Variants in VCAN observed in about 807,000 individuals in gnomAD.
VCAN encodes versican.
In VCAN, 44 loss-of-function variants were observed where a neutral mutation model predicts 245.5. The observed-to-expected ratio is 0.18, with a 90% CI of 0.14 to 0.23. The LOEUF is 0.23. Among genes scored for constraint, VCAN ranks in the 10% least tolerant of loss-of-function variants. The pLI, the probability that VCAN is intolerant of heterozygous loss-of-function variation, is 1.00. For missense variants in VCAN, 3,793 were observed against 4,057.9 expected (o/e 0.93, Z 1.77); for synonymous variants, 1,413 against 1,437.0 (o/e 0.98, Z 0.38).
At chr5:83,522,368 A>T in intron 7 of VCAN, 59 bp downstream of exon 7, 1 of 1,579,330 alleles carries the variant, frequency 6.3e-7, no homozygotes, top group Non-Finnish European at 8.6e-7. Flanking sequence ...CTTGAAAGTT[A>T]CTTTTGGGGA....
chr5:83,483,847 AG>A (rs1475820089), intron 2 of VCAN, among the ~76,000 whole-genome samples: 1 of 152,206 alleles, frequency 6.6e-6, no homozygotes, highest in African/African-American at 2.4e-5. Context: ...TTTGCAAAAA[AG>A]CTCATATATG....
At chr5:83,508,756 C>A (rs897264713) in intron 5 of VCAN, among the ~76,000 whole-genome samples, 8 of 152,222 alleles carry the variant, frequency 5.3e-5, no homozygotes, top group African/African-American at 1.4e-4. Flanking sequence ...TTAAATCTTC[C>A]TTTTTTTCAT....
In VCAN at chr5:83,559,855, C is replaced by T. The variant is rs1747801257; in HGVS notation, c.9735+4817C>T. On this transcript the variant is annotated intron_variant, in intron 12 of 14. Transcript: ENST00000265077. Reference sequence around the variant, plus strand: ...CAGTATACACACATTGCTCAGCCAACTCTATCTTTTGAATCCTGAAATGAA... The same window carrying T: ...CAGTATACACACATTGCTCAGCCAATTCTATCTTTTGAATCCTGAAATGAA... Among the ~76,000 whole-genome samples, 3 of 152,106 alleles carry T rather than the reference C, an allele frequency of 2.0e-5. 1 individual carries two copies. In the South Asian group the frequency reaches 6.2e-4, roughly 32 times the overall value.
chr5:83,545,960 G>A (rs887157498), intron 9 of VCAN, among the ~76,000 whole-genome samples: 3 of 152,038 alleles, frequency 2.0e-5, no homozygotes, highest in Admixed American at 6.6e-5. Context: ...CCCCAAATCT[G>A]CATATAAATA....
At chr5:83,511,234 C>A (rs1001034508) in intron 5 of VCAN, among the ~76,000 whole-genome samples, 1 of 148,672 alleles carries the variant, frequency 6.7e-6, no homozygotes, top group East Asian at 2.1e-4. Flanking sequence ...CTCTGCCTCC[C>A]GGGTTCAAGC....
chr5:83,504,807 A>AT (rs1239909456), intron 5 of VCAN, among the ~76,000 whole-genome samples: 1 of 152,308 alleles, frequency 6.6e-6, no homozygotes, highest in Non-Finnish European at 1.5e-5. Flanking sequence ...CATGCTGCTG[A>AT]TAAAGACATA....
chr5:83,538,312 G>A lies in VCAN; in HGVS notation c.5309G>A (p.Arg1770Lys). 1 of 1,614,036 alleles carries A rather than the reference G, an allele frequency of 6.2e-7. No individual in the cohort carries two copies. The highest frequency in any genetic ancestry group is 8.5e-7 in the Non-Finnish European group (1 of 1,179,946). Residue 1770 changes from arginine to lysine, a missense_variant, in exon 8 of 15, where the codon AGG becomes AAG. This residue lies in a region of VCAN where 3,182 missense variants were observed against 3,250.3 expected (regional missense o/e 0.98). Coordinates refer to ENST00000265077, the MANE Select transcript of VCAN (RefSeq NM_004385.5). ...GCTACATCTAGTGATTCAGGTACCAGGAAAAGTTTTATGTCCTTGACAACA... is the reference window on the plus strand; with the variant it reads ...GCTACATCTAGTGATTCAGGTACCAAGAAAAGTTTTATGTCCTTGACAACA... ...NVATSSDSGT[R>K]KSFMSLTTPT...
intron 7 of VCAN, among the ~76,000 whole-genome samples, chr5:83,530,246 A>C (rs188797931): frequency 6.6e-6 from 1 of 152,088 alleles, no homozygotes; most frequent in Non-Finnish European, 1.5e-5. Context: ...CATAAACATC[A>C]TTTTACAAAT....
At chr5:83,554,513 G>GA (rs532730880) in intron 11 of VCAN, among the ~76,000 whole-genome samples, 1 of 151,772 alleles carries the variant, frequency 6.6e-6, no homozygotes, top group African/African-American at 2.4e-5. Context: ...AAAATGTTTT[G>GA]AAAAAAAGGA....
intron 12 of VCAN, among the ~76,000 whole-genome samples, chr5:83,563,109 G>A (rs1580070745): frequency 6.6e-6 from 1 of 152,112 alleles, no homozygotes; most frequent in Admixed American, 6.6e-5. Flanking sequence ...CCAGCATAGG[G>A]TAGTGACACC....
At chr5:83,575,334 C>A (rs917886557) in intron 13 of VCAN, among the ~76,000 whole-genome samples, 1 of 152,146 alleles carries the variant, frequency 6.6e-6, no homozygotes, top group Non-Finnish European at 1.5e-5. Flanking sequence ...CTGACCATGT[C>A]CCTTACTTCA....
At chr5:83,571,988 G>T (rs575729369) in intron 12 of VCAN, among the ~76,000 whole-genome samples, 74 of 152,204 alleles carry the variant, frequency 4.9e-4, no homozygotes, top group African/African-American at 1.8e-3. Context: ...CTGAAAATTC[G>T]ATTGAGGTAT....
chr5:83,516,756 T>G (rs1462435385), intron 6 of VCAN, among the ~76,000 whole-genome samples: 1 of 152,276 alleles, frequency 6.6e-6, no homozygotes, highest in East Asian at 1.9e-4. Flanking sequence ...GGAATTGTTT[T>G]TACCTTTACA....
Position 83,474,785 on chromosome 5 carries a change from C to T in VCAN, c.-7+2762C>T, listed in dbSNP as rs374242186. Among the ~76,000 whole-genome samples, 47 of 152,338 alleles carry T rather than the reference C, an allele frequency of 3.1e-4. 1 individual carries two copies. In the East Asian group the frequency reaches 6.4e-3, roughly 21 times the overall value. On this transcript the variant is annotated intron_variant, in intron 1 of 14. Coordinates refer to ENST00000265077, the MANE Select transcript of VCAN (RefSeq NM_004385.5). ...CGCCCCCAGGATTCGGGGCCGGCTG[C>T]TTCTGGAGCTGACCCGAGTTCCATC...
intron 10 of VCAN, among the ~76,000 whole-genome samples, chr5:83,551,128 T>C (rs529535832): frequency 6.6e-6 from 1 of 152,180 alleles, no homozygotes; most frequent in East Asian, 1.9e-4. Flanking sequence ...ACAGGCACTG[T>C]TAGTAGTGAA....
chr5:83,506,143 G>A (rs1745476910), intron 5 of VCAN, among the ~76,000 whole-genome samples: 1 of 152,174 alleles, frequency 6.6e-6, no homozygotes, highest in African/African-American at 2.4e-5. Flanking sequence ...TTTATCCACG[G>A]TCTTGGGGAT....
Position 83,519,787 on chromosome 5 carries a change from A to C in VCAN, c.1481A>C (p.Glu494Ala). Residue 494 changes from glutamate (E) to alanine (A), a missense_variant, in exon 7 of 15, where the codon GAA becomes GCA. By Grantham distance (107) the Glu-to-Ala change is moderately radical (BLOSUM62 -1). Transcript: ENST00000265077. ...QESVTQIEQI[E>A]VGPLVTSMEI... is the part of the protein sequence containing the mutation. ...TCGGTTACACAGATTGAACAAATAG[A>C]AGTGGGTCCTTTGGTAACATCTATG... 1 of 1,614,138 alleles carries C rather than the reference A, an allele frequency of 6.2e-7. No individual in the cohort carries two copies. Among genetic ancestry groups the C allele is most frequent in the Non-Finnish European group, 8.5e-7 (1 of 1,179,974 alleles).
intron 12 of VCAN, among the ~76,000 whole-genome samples, chr5:83,556,013 C>T (rs1747652990): frequency 6.6e-6 from 1 of 152,116 alleles, no homozygotes; most frequent in African/African-American, 2.4e-5. Context: ...ATGAGTTTGG[C>T]AAAATATAAA....
At chr5:83,474,102 C>T (rs1363223405) in intron 1 of VCAN, among the ~76,000 whole-genome samples, 1 of 152,140 alleles carries the variant, frequency 6.6e-6, no homozygotes, top group Non-Finnish European at 1.5e-5. Context: ...ACCACTTGAA[C>T]CCAACGCTAG....
Sources: allele counts gnomAD v4.1 joint callset (sites outside exome capture counted in the v4.1 genomes callset), GRCh38; gene constraint gnomAD v4.1.1; regional missense constraint gnomAD v4.1.1; transcripts MANE v1.5; gene names NCBI Gene and HGNC (gene_info 2026-07-23, HGNC 2026-07-21).